GJC3: variants seen among roughly 807,000 people sequenced by gnomAD.
The protein encoded by GJC3 is gap junction gamma-3 protein.
A neutral mutation model predicts 19.8 loss-of-function variants in GJC3; 17 were observed. The ratio of observed to expected loss-of-function variants is 0.86; its 90% confidence interval spans 0.59 to 1.29. The LOEUF (loss-of-function observed/expected upper bound fraction) is 1.29. GJC3 is among the 50% of genes most tolerant of loss of function. The pLI is 0.00. For synonymous variants in GJC3, 140 were observed against 136.5 expected (o/e 1.03, Z -0.18); for missense variants, 317 against 332.5 (o/e 0.95, Z 0.36).
intron 1 of GJC3, among the ~76,000 whole-genome samples, chr7:99,926,160 C>G (rs1240893140): frequency 2.0e-5 from 3 of 152,028 alleles, no homozygotes; most frequent in Non-Finnish European, 4.4e-5. Flanking sequence ...ATGGCAAAAC[C>G]CTGTCTCTAC....
At chr7:99,928,736 T>G in intron 1 of GJC3, 104 bp downstream of exon 1, 1 of 1,086,932 alleles carries the variant, frequency 9.2e-7, no homozygotes, top group Non-Finnish European at 1.4e-6. Flanking sequence ...ACCTACTTTG[T>G]AACATGCAGA....
chr7:99,929,825 A>T (rs967382962), upstream of GJC3: 11 of 619,614 alleles, frequency 1.8e-5, no homozygotes, highest in Admixed American at 1.1e-4. Flanking sequence ...AATAACAGTG[A>T]GTGTGTGTGG....
At position 99,929,414 on chromosome 7, in the gene GJC3, G is replaced by T. The variant is rs1208632553; in HGVS notation, c.207C>A (p.His69Gln). 12 of 1,613,998 alleles carry T rather than the reference G, an allele frequency of 7.4e-6. No homozygotes were observed. The highest frequency in any genetic ancestry group is 1.0e-5 in the Non-Finnish European group (12 of 1,179,958). ...GCKAACFDAFHPLSPLRFWVF... is the reference protein window; with the variant it reads ...GCKAACFDAFQPLSPLRFWVF... ...CCCAGAAACGCAGCGGGGAGAGGGG[G>T]TGGAAGGCATCGAAGCAGGCAGCCT... Residue 69 changes from histidine (H) to glutamine (Q), a missense_variant, in exon 1 of 2, where the codon CAC becomes CAA. Transcript: ENST00000312891.
chr7:99,929,071 G>A lies in GJC3; in HGVS notation c.550C>T (p.Arg184Cys), dbSNP rs763838138. The A allele has an allele frequency of 1.5e-5, 25 of 1,613,894 alleles. No homozygotes were observed. The Admixed American group carries it at 2.8e-4, about 18-fold the overall frequency. ...CLGSITCNLS[R>C]PSEKTIFLKT... The stretch of plus-strand genomic sequence containing the variant: ...AGGAAAATGGTCTTCTCAGAGGGGC[G>A]GGACAGATTGCAGGTTATACTACCA... The change falls in exon 1 of 2, where the codon CGC becomes TGC. Residue 184 changes from arginine (R) to cysteine (C), a missense_variant. Transcript: ENST00000312891.
At chr7:99,929,637 G>C (rs1819868540), upstream of GJC3, 1 of 1,591,500 alleles carries the variant, frequency 6.3e-7, no homozygotes, top group African/African-American at 1.3e-5. Flanking sequence ...TTGGAGCAGA[G>C]GACAAGAGAT....
At chr7:99,927,549 G>A (rs1819828610) in intron 1 of GJC3, among the ~76,000 whole-genome samples, 1 of 151,582 alleles carries the variant, frequency 6.6e-6, no homozygotes, top group Non-Finnish European at 1.5e-5. Context: ...GGATAATTTG[G>A]GATTCAGAAA....
chr7:99,923,663 G>A (rs145250156), intron 1 of GJC3, 60 bp from the exon 2 acceptor site: 13,649 of 766,128 alleles, frequency 0.018, 180 homozygotes, highest in South Asian at 0.028. Flanking sequence ...TTCACAGTGC[G>A]TACCCAAAAC....
At chr7:99,924,714 T>A (rs2151659511) in intron 1 of GJC3, among the ~76,000 whole-genome samples, 1 of 152,390 alleles carries the variant, frequency 6.6e-6, no homozygotes, top group African/African-American at 2.4e-5. Context: ...TCCTATTTTA[T>A]ACTTTGGGTA....
intron 1 of GJC3, 28 bp from the exon 2 acceptor site, chr7:99,923,631 A>G (rs754857712): frequency 2.6e-6 from 2 of 780,206 alleles, no homozygotes; most frequent in Non-Finnish European, 4.8e-6. Context: ...TCAAGATGTA[A>G]CAGTTACAAG....
At position 99,929,452 on chromosome 7, in the gene GJC3, G is replaced by C. The variant is rs765832053; in HGVS notation, c.169C>G (p.Gln57Glu). ...EQSEFVCHTQQPGCKAACFDA... is the reference protein window; with the variant it reads ...EQSEFVCHTQEPGCKAACFDA... ...AAGCAGGCAGCCTTGCAGCCCGGCT[G>C]CTGGGTGTGACACACGAATTCACTC... is the stretch of plus-strand genomic sequence containing the variant. Residue 57 changes from glutamine (Q) to glutamate (E), a missense_variant, in exon 1 of 2, where the codon CAG becomes GAG. Physicochemically the swap from Gln to Glu is conservative, Grantham distance 29 (BLOSUM62 2). Coordinates refer to ENST00000312891, the MANE Select transcript of GJC3 (RefSeq NM_181538.3). 4.0e-5 allele frequency: 65 copies of C among 1,613,578 alleles called. No individual in the cohort carries two copies. Among genetic ancestry groups the C allele is most frequent in the Admixed American group, 1.3e-4 (8 of 60,008 alleles).
In GJC3 at chr7:99,923,421, G is replaced by A. The variant is rs541076925; in HGVS notation, c.*124C>T. On this transcript the variant is annotated 3_prime_UTR_variant, in exon 2 of 2. Transcript: ENST00000312891. The stretch of plus-strand genomic sequence containing the variant: ...TATGTAGAGGTGGAGTCAAGGCAGC[G>A]CAGTCCCAGTTGTCGGTTATGCTGC... The A allele has an allele frequency of 9.1e-5, 70 of 766,486 alleles. 1 individual carries two copies. The highest frequency in any genetic ancestry group is 8.8e-4 in the African/African-American group (52 of 59,034). The allele number at this position is 766,486 out of a possible 1,614,324, so 47.5% of individuals were successfully genotyped here. A position where few individuals can be genotyped will look rare whatever the true frequency, so the allele number is the denominator to read the frequency against.
chr7:99,923,409 A>G lies in GJC3; in HGVS notation c.*136T>C. On this transcript the variant is annotated 3_prime_UTR_variant, in exon 2 of 2. Coordinates refer to ENST00000312891, the MANE Select transcript of GJC3 (RefSeq NM_181538.3). The stretch of plus-strand genomic sequence containing the variant: ...GCTGAGTCATTGTATGTAGAGGTGG[A>G]GTCAAGGCAGCGCAGTCCCAGTTGT... 1.3e-6 allele frequency: 1 copy of G among 755,260 alleles called. No individual in the cohort carries two copies. Among genetic ancestry groups the G allele is most frequent in the Non-Finnish European group, 2.5e-6 (1 of 407,822 alleles). 46.8% of individuals were successfully genotyped at this position (755,260 alleles called of 1,614,324 possible).
chr7:99,923,450 A>G lies in GJC3; in HGVS notation c.*95T>C. 1.3e-6 allele frequency: 1 copy of G among 777,804 alleles called. No homozygotes were observed. Among genetic ancestry groups the G allele is most frequent in the Non-Finnish European group, 2.4e-6 (1 of 417,636 alleles). The allele number at this position is 777,804 out of a possible 1,614,324, so 48.2% of individuals were successfully genotyped here. On this transcript the variant is annotated 3_prime_UTR_variant, in exon 2 of 2. Transcript: ENST00000312891. ...TCCCAGTTGTCGGTTATGCTGCTACATATGTCACATGTATAGAAAATGGTG... is the reference window on the plus strand; with the variant it reads ...TCCCAGTTGTCGGTTATGCTGCTACGTATGTCACATGTATAGAAAATGGTG...
Position 99,923,299 on chromosome 7 carries a change from T to C in GJC3, c.*246A>G. ...CCCAGGGGGATTTTATTACTTGCGATAAGTAAGGAGGACACTGGGAATAAT... is the reference window on the plus strand; with the variant it reads ...CCCAGGGGGATTTTATTACTTGCGACAAGTAAGGAGGACACTGGGAATAAT... On this transcript the variant is annotated 3_prime_UTR_variant, in exon 2 of 2. Coordinates refer to ENST00000312891, the MANE Select transcript of GJC3 (RefSeq NM_181538.3). 1 of 546,442 alleles carries C rather than the reference T, an allele frequency of 1.8e-6. No homozygotes were observed. Among genetic ancestry groups the C allele is most frequent in the Non-Finnish European group, 3.3e-6 (1 of 303,742 alleles). The allele number at this position is 546,442 out of a possible 1,614,324, so 33.8% of individuals were successfully genotyped here.
intron 1 of GJC3, among the ~76,000 whole-genome samples, chr7:99,926,866 C>T (rs2527904): frequency 0.38 from 58,458 of 151,986 alleles, 11,929 homozygotes; most frequent in Non-Finnish European, 0.46. Context: ...TTGGACAAAA[C>T]TCCTAGCAAA....
rs121908693 is a variant in GJC3 at position 99,929,052 on chromosome 7, A to G, written c.569T>C (p.Ile190Thr). 2 of 1,614,188 alleles carry G rather than the reference A, an allele frequency of 1.2e-6. No homozygotes were observed. Among genetic ancestry groups the G allele is most frequent in the Admixed American group, 1.7e-5 (1 of 60,024 alleles). ...GACTCCAAACATGGTCTTTAGGAAAATGGTCTTCTCAGAGGGGCGGGACAG... is the reference window on the plus strand; with the variant it reads ...GACTCCAAACATGGTCTTTAGGAAAGTGGTCTTCTCAGAGGGGCGGGACAG... ...CNLSRPSEKT[I>T]FLKTMFGVSG... The change falls in exon 1 of 2, where the codon ATT becomes ACT. Residue 190 changes from isoleucine to threonine, a missense_variant. Physicochemically the swap from Ile to Thr is moderately conservative, Grantham distance 89. Coordinates refer to ENST00000312891, the MANE Select transcript of GJC3 (RefSeq NM_181538.3).
intron 1 of GJC3, among the ~76,000 whole-genome samples, 189 bp downstream of exon 1, chr7:99,928,651 A>T (rs1009377357): frequency 1.3e-5 from 2 of 152,230 alleles, no homozygotes; most frequent in Non-Finnish European, 2.9e-5. Flanking sequence ...ACATTGGGAT[A>T]GATTTTGAGA....
chr7:99,927,081 G>A (rs556933075), intron 1 of GJC3, among the ~76,000 whole-genome samples: 119 of 152,294 alleles, frequency 7.8e-4, no homozygotes, highest in Non-Finnish European at 1.2e-3. Context: ...AAGAAGTTAC[G>A]AAGTTGCAAA....
intron 1 of GJC3, among the ~76,000 whole-genome samples, 171 bp downstream of exon 1, chr7:99,928,669 A>G (rs1819844801): frequency 1.3e-5 from 2 of 152,226 alleles, no homozygotes; most frequent in South Asian, 4.1e-4. Flanking sequence ...AGAGCAAGAG[A>G]GAACAAAGAA....
Sources: gnomAD v4.1 joint callset for allele counts (sites outside exome capture counted in the v4.1 genomes callset) on GRCh38, gnomAD v4.1.1 for gene constraint, MANE v1.5 for transcripts, NCBI Gene and HGNC (gene_info 2026-07-23, HGNC 2026-07-21) for gene names.